TTYH2: variants seen among roughly 807,000 people sequenced by gnomAD.
The protein encoded by TTYH2 is protein tweety homolog 2.
A neutral mutation model predicts 68.3 loss-of-function variants in TTYH2; 49 were observed. The ratio of observed to expected loss-of-function variants is 0.72; its 90% CI spans 0.57 to 0.91. TTYH2 has a LOEUF of 0.91. Among genes scored for constraint, TTYH2 ranks in the 40% least tolerant of loss-of-function variants. The probability of loss-of-function intolerance (pLI) is 0.00; values close to 1 mark genes in which losing one functional copy is unlikely to be tolerated. For missense variants in TTYH2, 631 were observed against 700.4 expected (o/e 0.90, Z 1.12); for synonymous variants, 272 against 300.8 (o/e 0.90, Z 0.99).
At chr17:74,250,416 T>A in intron 10 of TTYH2, 59 bp downstream of exon 10, 1 of 1,452,454 alleles carries the variant, frequency 6.9e-7, no homozygotes, top group Non-Finnish European at 9.5e-7. Context: ...GGCCACACCT[T>A]CCAGAGAAAA....
rs1031171600 is a variant in TTYH2, at chr17:74,219,387, C to CAAAAAAAAAAAAAAAA, written c.130-3097_130-3082dup. ...CTGGCGACAGAGCAAGACTCCGTGT[C>CAAAAAAAAAAAAAAAA]AAAAAAAAAAAAAAAAGAATAACTT... On this transcript the variant is annotated intron_variant, in intron 1 of 13. Transcript: ENST00000269346. 8.1e-4 allele frequency among the ~76,000 whole-genome samples: 72 copies of CAAAAAAAAAAAAAAAA among 88,418 alleles called. 4 individuals carry two copies. Among genetic ancestry groups the CAAAAAAAAAAAAAAAA allele is most frequent in the African/African-American group, 3.7e-3 (63 of 16,896 alleles). The allele number at this position is 88,418 out of a possible 152,430, so 58.0% of individuals were successfully genotyped here. A position where few individuals can be genotyped will look rare whatever the true frequency, so the allele number is the denominator to read the frequency against.
In TTYH2 at chr17:74,222,782, T is replaced by C; in HGVS notation, c.302+125T>C. 8.3e-7 allele frequency: 1 copy of C among 1,205,108 alleles called. No individual in the cohort carries two copies. Among genetic ancestry groups the C allele is most frequent in the Non-Finnish European group, 1.1e-6 (1 of 903,408 alleles). 74.7% of individuals were successfully genotyped at this position (1,205,108 alleles called of 1,614,324 possible). Reference sequence around the variant, plus strand: ...GGAAAAGCTTGTCCCCAGATGAATGTTGTCCCTTTTTTTTTTTTTACCAAG... The same window carrying C: ...GGAAAAGCTTGTCCCCAGATGAATGCTGTCCCTTTTTTTTTTTTTACCAAG... On this transcript the variant is annotated intron_variant, in intron 2 of 13. Transcript: ENST00000269346. This position sits in a 1 kb window ranked among gnomAD's most constrained non-coding sequence, Gnocchi z 5.2.
At chr17:74,220,017 T>G (rs1281741775) in intron 1 of TTYH2, among the ~76,000 whole-genome samples, 1 of 152,112 alleles carries the variant, frequency 6.6e-6, no homozygotes, top group African/African-American at 2.4e-5. Flanking sequence ...GGGTTACTTT[T>G]TTTTTAAGAA....
At chr17:74,242,914 A>G (rs1255174004) in intron 4 of TTYH2, among the ~76,000 whole-genome samples, 2 of 152,246 alleles carry the variant, frequency 1.3e-5, no homozygotes, top group African/African-American at 2.4e-5. Flanking sequence ...GGCCGCAGAA[A>G]GACACTTCAG....
rs1279109714 is a variant in TTYH2 at position 74,213,915 on chromosome 17, G to T, written c.129+199G>T. Among the ~76,000 whole-genome samples the T allele has an allele frequency of 6.6e-6, 1 of 152,118 alleles. No homozygotes were observed. The highest frequency in any genetic ancestry group is 1.5e-5 in the Non-Finnish European group (1 of 68,020). On this transcript the variant is annotated intron_variant, in intron 1 of 13. Transcript: ENST00000269346. The surrounding 1 kb of genome is among the most constrained non-coding windows in gnomAD (Gnocchi z 6.1). ...CGCGTCCCCTCCTGTCTGGGAACCT[G>T]GGGGCCGGGAAAACTGAAGAGATCA...
At position 74,222,625 on chromosome 17, in the gene TTYH2, C is replaced by A. The variant is rs1360321623; in HGVS notation, c.270C>A (p.Thr90=). Residue 90 remains threonine (T), a synonymous_variant, in exon 2 of 14, where the codon ACC becomes ACA. Transcript: ENST00000269346. The surrounding 1 kb of genome is among the most constrained non-coding windows in gnomAD (Gnocchi z 5.2). ...QTKQHHSCCI[T]WTAVVAGLIC... is the part of the protein sequence containing the mutation. ...AGCAGCACCACTCCTGCTGCATCAC[C>A]TGGACGGCCGTGGTGGCCGGGCTCA... 3.1e-6 allele frequency: 5 copies of A among 1,611,232 alleles called. No individual in the cohort carries two copies. The highest frequency in any genetic ancestry group is 4.2e-6 in the Non-Finnish European group (5 of 1,179,892).
rs528941036 is a variant in TTYH2 at position 74,214,712 on chromosome 17, G to T, written c.129+996G>T. Among the ~76,000 whole-genome samples the T allele has an allele frequency of 6.6e-6, 1 of 152,300 alleles. No homozygotes were observed. The highest frequency in any genetic ancestry group is 2.1e-4 in the South Asian group (1 of 4,826). On this transcript the variant is annotated intron_variant, in intron 1 of 13. Coordinates refer to ENST00000269346, the MANE Select transcript of TTYH2 (RefSeq NM_032646.6). The surrounding 1 kb of genome is among the most constrained non-coding windows in gnomAD (Gnocchi z 4.6). ...TATCAGTTCCTTGTGTTGGGTCAAA[G>T]ATTCTGGGGCCAGTGGACCAGGATG...
rs1295796596 is a variant in TTYH2, at chr17:74,215,520, G to A, written c.129+1804G>A. 9 of 1,002,516 alleles carry A rather than the reference G, an allele frequency of 9.0e-6. No homozygotes were observed. Among genetic ancestry groups the A allele is most frequent in the Non-Finnish European group, 1.3e-5 (9 of 690,934 alleles). 62.1% of individuals were successfully genotyped at this position (1,002,516 alleles called of 1,614,324 possible). A position where few individuals can be genotyped will look rare whatever the true frequency, so the allele number is the denominator to read the frequency against. ...CTGGCCCCGGCTCACTTTGTGCTGG[G>A]CATCAAATGGTTCCAGAGGGTGTCC... On this transcript the variant is annotated intron_variant, in intron 1 of 13. Transcript: ENST00000269346. The surrounding 1 kb of genome is among the most constrained non-coding windows in gnomAD (Gnocchi z 4.3).
intron 3 of TTYH2, among the ~76,000 whole-genome samples, chr17:74,233,262 T>C (rs2050408475): frequency 6.6e-6 from 1 of 152,064 alleles, no homozygotes. Flanking sequence ...CCTGTGAGGC[T>C]GGTTTGGGCC....
intron 13 of TTYH2, among the ~76,000 whole-genome samples, chr17:74,254,070 C>G (rs1370661445): frequency 6.6e-6 from 1 of 152,260 alleles, no homozygotes; most frequent in African/African-American, 2.4e-5. Flanking sequence ...CACTGCATAC[C>G]TGTCATCCAG....
At chr17:74,225,431 G>T (rs947760189) in intron 2 of TTYH2, among the ~76,000 whole-genome samples, 2 of 152,208 alleles carry the variant, frequency 1.3e-5, no homozygotes, top group Non-Finnish European at 2.9e-5. Flanking sequence ...AGAGCCAGGG[G>T]AGCCACTGCA....
chr17:74,239,453 A>G lies in TTYH2; in HGVS notation c.635+1939A>G, dbSNP rs1936853398. Among the ~76,000 whole-genome samples the G allele has an allele frequency of 1.3e-5, 2 of 152,170 alleles. No individual in the cohort carries two copies. Among genetic ancestry groups the G allele is most frequent in the Admixed American group, 1.3e-4 (2 of 15,280 alleles). On this transcript the variant is annotated intron_variant, in intron 4 of 13. Transcript: ENST00000269346. The surrounding 1 kb of genome is among the most constrained non-coding windows in gnomAD (Gnocchi z 5.3). ...GCCATTGATGAACGTCAGAGCCTTTAGCTCAGGGTTGCACAACTTACTTCT... is the reference window on the plus strand; with the variant it reads ...GCCATTGATGAACGTCAGAGCCTTTGGCTCAGGGTTGCACAACTTACTTCT...
Position 74,260,128 on chromosome 17 carries a change from G to C in TTYH2, c.1525-1G>C, listed in dbSNP as rs1206460521. 6.2e-7 allele frequency: 1 copy of C among 1,613,532 alleles called. No homozygotes were observed. The highest frequency in any genetic ancestry group is 8.5e-7 in the Non-Finnish European group (1 of 1,179,666). ...CCATCCCCTCTCTTCTCTCTTGGCA[G>C]TACTCTCCCAGCATGAGAGCCACCT... On this transcript the variant is annotated splice_acceptor_variant, in intron 13 of 13. Transcript: ENST00000269346. LOFTEE classifies it high-confidence loss of function.
chr17:74,253,393 G>T, intron 12 of TTYH2, 127 bp downstream of exon 12: 1 of 1,195,468 alleles, frequency 8.4e-7, no homozygotes, highest in African/African-American at 1.5e-5. Flanking sequence ...CAGCCACAGG[G>T]TGCCTGGAGG....
intron 1 of TTYH2, among the ~76,000 whole-genome samples, chr17:74,219,779 A>C (rs1416454281): frequency 6.6e-6 from 1 of 152,116 alleles, no homozygotes; most frequent in Non-Finnish European, 1.5e-5. Flanking sequence ...TAGTATTCTA[A>C]GACTATAACA....
Position 74,241,262 on chromosome 17 carries a change from C to CGTGTGTGTGT in TTYH2, c.636-2086_636-2077dup, listed in dbSNP as rs199960092. Among the ~76,000 whole-genome samples the CGTGTGTGTGT allele has an allele frequency of 4.6e-4, 66 of 144,796 alleles. No individual in the cohort carries two copies. The highest frequency in any genetic ancestry group is 7.9e-4 in the African/African-American group (31 of 39,010). 95.0% of individuals were successfully genotyped at this position (144,796 alleles called of 152,430 possible). ...ATAGACAGACCCGGTATTTATAATA[C>CGTGTGTGTGT]GTGTGTGTGTGTGTGTGTGTGTGTG... On this transcript the variant is annotated intron_variant, in intron 4 of 13. Transcript: ENST00000269346. This position sits in a 1 kb window ranked among gnomAD's most constrained non-coding sequence, Gnocchi z 4.1.
chr17:74,240,511 C>T (rs2050488437), intron 4 of TTYH2, among the ~76,000 whole-genome samples: 1 of 152,110 alleles, frequency 6.6e-6, no homozygotes, highest in Admixed American at 6.6e-5. Context: ...GATATTCTAC[C>T]CCTTCTCCTG....
At position 74,260,268 on chromosome 17, in the gene TTYH2, C is replaced by T. The variant is rs565770929; in HGVS notation, c.*59C>T. 23 of 1,548,412 alleles carry T rather than the reference C, an allele frequency of 1.5e-5. No homozygotes were observed. The East Asian group carries it at 4.7e-4, about 32-fold the overall frequency. On this transcript the variant is annotated 3_prime_UTR_variant, in exon 14 of 14. Coordinates refer to ENST00000269346, the MANE Select transcript of TTYH2 (RefSeq NM_032646.6). ...TTCTGGTTTTTAATTAGTGCAAATACAAGCTGCGTTTCTTTAATAGAAACC... is the reference window on the plus strand; with the variant it reads ...TTCTGGTTTTTAATTAGTGCAAATATAAGCTGCGTTTCTTTAATAGAAACC...
intron 4 of TTYH2, chr17:74,240,869 A>C (rs2050493056): frequency 6.6e-6 from 1 of 152,166 alleles, no homozygotes; most frequent in Admixed American, 6.5e-5. Context: ...GGAACCCCTG[A>C]CAACATGAGG....
Sources: gnomAD v4.1 joint callset for allele counts (sites outside exome capture counted in the v4.1 genomes callset) on GRCh38, gnomAD v4.1.1 for gene constraint, Gnocchi (gnomAD v3.1) non-coding constraint, MANE v1.5 for transcripts, NCBI Gene and HGNC (gene_info 2026-07-23, HGNC 2026-07-21) for gene names.